The following LINGO2 variants were observed in gnomAD, a reference collection of about 807,000 sequenced individuals.
LINGO2 encodes leucine rich repeat and Ig domain containing 2, also known as leucine-rich repeat and immunoglobulin-like domain-containing nogo receptor-interacting protein 2.
Under a neutral mutation model 30.6 loss-of-function variants are expected in LINGO2, and 14 were observed. That is an observed-to-expected ratio of 0.46 (90% CI 0.30 to 0.72). The LOEUF is 0.72. Ranked by LOEUF, LINGO2 falls within the 30% of genes least tolerant of loss-of-function variation. The pLI is 0.07. For synonymous variants in LINGO2, 317 were observed against 288.5 expected (o/e 1.10, Z -1.00); for missense variants, 729 against 751.7 (o/e 0.97, Z 0.35).
At chr9:29,081,894 G>A in the LINGO2 span, among the ~76,000 whole-genome samples, 5 of 151,758 alleles carry the variant, frequency 3.3e-5, no homozygotes, top group Non-Finnish European at 7.4e-5. Context: ...CCTCTTCAAG[G>A]AGAACTACAA....
At chr9:29,137,577 C>G in the LINGO2 span, among the ~76,000 whole-genome samples, 1 of 152,114 alleles carries the variant, frequency 6.6e-6, no homozygotes, top group Admixed American at 6.6e-5. Context: ...TGTCAGGTAT[C>G]TTTTACCCTC....
intron 5 of LINGO2, among the ~76,000 whole-genome samples, chr9:27,988,533 A>T (rs1821235742): frequency 6.6e-6 from 1 of 151,888 alleles, no homozygotes; most frequent in Non-Finnish European, 1.5e-5. Context: ...CTTTTTAATG[A>T]TCGTCATTCT....
At position 27,965,086 on chromosome 9, in the gene LINGO2, A is replaced by AC. The variant is rs1447812369; in HGVS notation, c.-35-14381_-35-14380insG. 7.0e-4 allele frequency among the ~76,000 whole-genome samples: 107 copies of AC among 152,236 alleles called. No individual in the cohort carries two copies. The South Asian group carries it at 0.021, about 29-fold the overall frequency. ...GATTTGCCAGGAAGGAGTTAGACAG[A>AC]AGTCATGATGTGTCTTTAACTACAG... On this transcript the variant is annotated intron_variant, in intron 5 of 5. Transcript: ENST00000379992.
At chr9:28,003,752 C>A (rs1415702899) in intron 5 of LINGO2, among the ~76,000 whole-genome samples, 1 of 152,098 alleles carries the variant, frequency 6.6e-6, no homozygotes, top group Non-Finnish European at 1.5e-5. Context: ...TAGAAATATG[C>A]CAGAGGAACT....
intron 5 of LINGO2, among the ~76,000 whole-genome samples, chr9:27,968,717 T>C (rs533877337): frequency 3.3e-5 from 5 of 152,078 alleles, no homozygotes; most frequent in African/African-American, 1.2e-4. Context: ...CTGTTCTGAA[T>C]GAATAATGTA....
chr9:28,324,681 G>A (rs1825162576), intron 3 of LINGO2, among the ~76,000 whole-genome samples: 1 of 152,094 alleles, frequency 6.6e-6, no homozygotes, highest in South Asian at 2.1e-4. Context: ...GGCAACATCA[G>A]GAAGTTACCC....
the LINGO2 span, among the ~76,000 whole-genome samples, chr9:29,022,967 C>A: frequency 7.0e-6 from 1 of 142,366 alleles, no homozygotes; most frequent in South Asian, 2.4e-4. Context: ...TCAGGCTACT[C>A]TCTTTGAGCC....
At chr9:28,749,492 A>G in the LINGO2 span, among the ~76,000 whole-genome samples, 2 of 152,070 alleles carry the variant, frequency 1.3e-5, no homozygotes, top group Admixed American at 6.5e-5. Context: ...TAAATTGCTC[A>G]TTTATAAGTC....
chr9:28,578,645 C>A (rs566087110), intron 1 of LINGO2, among the ~76,000 whole-genome samples: 11 of 151,930 alleles, frequency 7.2e-5, no homozygotes, highest in Non-Finnish European at 1.5e-4. Flanking sequence ...GAAAAATATC[C>A]TTCTTTTATT....
chr9:29,179,197 A>ATATATATATATT, the LINGO2 span, among the ~76,000 whole-genome samples: 1 of 80,500 alleles, frequency 1.2e-5, no homozygotes, highest in Admixed American at 1.4e-4. Context: ...ATATATATAT[A>ATATATATATATT]TATATGTTTC....
At chr9:28,867,304 A>G in the LINGO2 span, among the ~76,000 whole-genome samples, 1 of 152,150 alleles carries the variant, frequency 6.6e-6, no homozygotes, top group Non-Finnish European at 1.5e-5. Context: ...TACAGTAAAT[A>G]CAATCCTCCT....
chr9:29,116,753 C>A, the LINGO2 span, among the ~76,000 whole-genome samples: 1 of 151,662 alleles, frequency 6.6e-6, no homozygotes, highest in Non-Finnish European at 1.5e-5. Flanking sequence ...CCAAAATCAT[C>A]TTTTCCAGAA....
chr9:29,054,506 T>C, the LINGO2 span, among the ~76,000 whole-genome samples: 220 of 152,296 alleles, frequency 1.4e-3, no homozygotes, highest in African/African-American at 3.8e-3. Context: ...TTTCATTTAG[T>C]ACCTGAAGCA....
intron 4 of LINGO2, among the ~76,000 whole-genome samples, chr9:28,158,639 T>C (rs1394308145): frequency 6.6e-6 from 1 of 152,102 alleles, no homozygotes; most frequent in Admixed American, 6.5e-5. Flanking sequence ...GAGGGAGGCT[T>C]GTGTTATGAT....
chr9:28,789,456 ACTCCCTCTTTTCACTGCTGGC>A, the LINGO2 span, among the ~76,000 whole-genome samples: 11 of 152,138 alleles, frequency 7.2e-5, no homozygotes, highest in African/African-American at 2.7e-4. Context: ...CCCAGCTTGG[ACTCCCTCTTTTCACTGCTGGC>A]CTCATCTCTA....
chr9:28,519,216 A>T (rs1318334236), intron 1 of LINGO2, among the ~76,000 whole-genome samples: 1 of 151,170 alleles, frequency 6.6e-6, no homozygotes, highest in Non-Finnish European at 1.5e-5. Flanking sequence ...TTTTTTTTTT[A>T]GTAGAGATGG....
chr9:27,956,535 G>A (rs1284061550), intron 5 of LINGO2, among the ~76,000 whole-genome samples: 1 of 152,012 alleles, frequency 6.6e-6, no homozygotes, highest in Non-Finnish European at 1.5e-5. Flanking sequence ...TTAAAGAGCA[G>A]AAGTTTTAAA....
chr9:28,261,587 A>G (rs1430867566), intron 4 of LINGO2, among the ~76,000 whole-genome samples: 1 of 151,934 alleles, frequency 6.6e-6, no homozygotes, highest in Non-Finnish European at 1.5e-5. Flanking sequence ...TTGAAACTTT[A>G]AAATGAAACT....
At chr9:29,054,834 T>C in the LINGO2 span, among the ~76,000 whole-genome samples, 1 of 151,970 alleles carries the variant, frequency 6.6e-6, no homozygotes, top group Non-Finnish European at 1.5e-5. Flanking sequence ...GCAGAGATAA[T>C]GAAAATTAGA....
Sources: gnomAD v4.1 joint callset for allele counts (sites outside exome capture counted in the v4.1 genomes callset) on GRCh38, gnomAD v4.1.1 for gene constraint, MANE v1.5 for transcripts, NCBI Gene and HGNC (gene_info 2026-07-23, HGNC 2026-07-21) for gene names.